Variants in HYDIN observed in about 807,000 individuals in gnomAD.
HYDIN encodes the protein axonemal central pair apparatus protein HYDIN.
HYDIN carries 132 observed loss-of-function variants against 403.9 expected under a neutral mutation model. The observed-to-expected ratio is 0.33, with a 90% CI of 0.28 to 0.38. The LOEUF (loss-of-function observed/expected upper bound fraction) is 0.38. Among genes scored for constraint, HYDIN ranks in the 10% least tolerant of loss-of-function variants. The pLI is 1.00. For synonymous variants in HYDIN, 1,202 were observed against 1,891.7 expected (o/e 0.64, Z 9.46); for missense variants, 2,827 against 5,009.5 (o/e 0.56, Z 13.15).
At chr16:71,057,435 G>A (rs1273367179) in intron 18 of HYDIN, among the ~76,000 whole-genome samples, 1 of 152,132 alleles carries the variant, frequency 6.6e-6, no homozygotes, top group Admixed American at 6.5e-5. Flanking sequence ...AACGTCTCTG[G>A]TGAGCTGTCA....
intron 47 of HYDIN, among the ~76,000 whole-genome samples, chr16:70,915,954 C>T (rs375179467): frequency 6.6e-6 from 1 of 152,232 alleles, no homozygotes; most frequent in Non-Finnish European, 1.5e-5. Flanking sequence ...CCTCACCCAG[C>T]TCCCATGCAA....
intron 83 of HYDIN, among the ~76,000 whole-genome samples, chr16:70,824,775 T>C (rs1310725206): frequency 6.6e-6 from 1 of 152,094 alleles, no homozygotes; most frequent in Non-Finnish European, 1.5e-5. Context: ...TACTTATTTT[T>C]TAAGCTTTGC....
chr16:71,196,097 T>C (rs915725554), intron 1 of HYDIN, among the ~76,000 whole-genome samples: 1 of 152,264 alleles, frequency 6.6e-6, no homozygotes, highest in African/African-American at 2.4e-5. Context: ...CTACAAGTAT[T>C]ATAGTTTCAA....
chr16:71,039,822 G>A (rs963100502), intron 18 of HYDIN, among the ~76,000 whole-genome samples: 7 of 152,138 alleles, frequency 4.6e-5, no homozygotes, highest in East Asian at 1.9e-4. Flanking sequence ...ACCAGAGCTC[G>A]GGATCCCTGA....
intron 41 of HYDIN, among the ~76,000 whole-genome samples, chr16:70,947,463 T>G (rs1479890715): frequency 5.3e-5 from 8 of 151,882 alleles, no homozygotes; most frequent in Middle Eastern, 6.3e-3. Context: ...TGAGGATTTT[T>G]GCATCAATGT....
At chr16:71,038,768 C>A (rs2081185660) in intron 18 of HYDIN, among the ~76,000 whole-genome samples, 1 of 152,200 alleles carries the variant, frequency 6.6e-6, no homozygotes. Flanking sequence ...CCAAGCAATT[C>A]TCCTGCCTCA....
intron 75 of HYDIN, among the ~76,000 whole-genome samples, chr16:70,842,829 A>G (rs2037920460): frequency 6.6e-6 from 1 of 151,686 alleles, no homozygotes; most frequent in Admixed American, 6.6e-5. Context: ...TTATTCTTCT[A>G]TTCCTCCATT....
chr16:71,097,451 A>C, intron 10 of HYDIN, among the ~76,000 whole-genome samples: 1 of 128,256 alleles, frequency 7.8e-6, no homozygotes, highest in African/African-American at 3.4e-5. Context: ...TTGCCTTAAA[A>C]AACAGACTCT....
At chr16:71,053,424 A>G (rs1232176597) in intron 18 of HYDIN, among the ~76,000 whole-genome samples, 6 of 152,260 alleles carry the variant, frequency 3.9e-5, no homozygotes, top group African/African-American at 1.4e-4. Context: ...CCAATTGTCA[A>G]CAAGTAGGCA....
In HYDIN at chr16:70,868,714, C is replaced by T; in HGVS notation, c.11166G>A (p.Lys3722=). 1 of 1,614,112 alleles carries T rather than the reference C, an allele frequency of 6.2e-7. No individual in the cohort carries two copies. Among genetic ancestry groups the T allele is most frequent in the Non-Finnish European group, 8.5e-7 (1 of 1,180,002 alleles). ...TMKSDVPINL[K]NMRIRCKLSR... is the part of the protein sequence containing the mutation. ...AGAGCTTGCACCTGATCCGCATATT[C>T]TTTAGGTTGATGGGTACATCTGACT... The change falls in exon 66 of 86, where the codon AAG becomes AAA. Residue 3722 remains lysine (K), a synonymous_variant. Coordinates refer to ENST00000393567, the MANE Select transcript of HYDIN (RefSeq NM_001270974.2).
intron 39 of HYDIN, among the ~76,000 whole-genome samples, chr16:70,958,270 G>A (rs1324474294): frequency 6.6e-6 from 1 of 151,590 alleles, no homozygotes; most frequent in Non-Finnish European, 1.5e-5. Context: ...TGATCAGTCT[G>A]ATTTTGACAT....
At chr16:70,930,743 C>T (rs1444468151) in intron 45 of HYDIN, among the ~76,000 whole-genome samples, 2 of 152,154 alleles carry the variant, frequency 1.3e-5, no homozygotes, top group Non-Finnish European at 2.9e-5. Context: ...TCACTGACCA[C>T]TGCAGATGCA....
intron 40 of HYDIN, among the ~76,000 whole-genome samples, chr16:70,953,467 G>C (rs1318763468): frequency 1.3e-5 from 2 of 152,024 alleles, no homozygotes; most frequent in African/African-American, 4.8e-5. Flanking sequence ...ACTCCTCCTC[G>C]CTTCTCCCTT....
chr16:70,808,015 T>G lies in HYDIN; in HGVS notation c.14931A>C (p.Pro4977=). 6.2e-7 allele frequency: 1 copy of G among 1,613,810 alleles called. No individual in the cohort carries two copies. Residue 4977 remains proline (P), a synonymous_variant, in exon 86 of 86, where the codon CCA becomes CCC. Transcript: ENST00000393567. ...TGGCTTCAGTGCCTCCCTGGCCTCCTGGGGCTGCATTAATGAGTTTTTCTG... is the reference window on the plus strand; with the variant it reads ...TGGCTTCAGTGCCTCCCTGGCCTCCGGGGGCTGCATTAATGAGTTTTTCTG... The part of the protein sequence containing the change: ...FHAEKLINAA[P]GGQGGTEASV...
intron 52 of HYDIN, among the ~76,000 whole-genome samples, chr16:70,901,463 T>G (rs1168799436): frequency 1.3e-5 from 2 of 151,552 alleles, no homozygotes; most frequent in Admixed American, 6.6e-5. Context: ...CCCCATTTTG[T>G]GCCCACTGGT....
At chr16:71,175,136 C>T (rs1028958242) in intron 5 of HYDIN, among the ~76,000 whole-genome samples, 10 of 151,454 alleles carry the variant, frequency 6.6e-5, no homozygotes, top group Non-Finnish European at 1.5e-5. Context: ...ATCACCACTA[C>T]CACCACCATC....
At chr16:71,130,294 T>C (rs907692068) in intron 8 of HYDIN, among the ~76,000 whole-genome samples, 5 of 152,068 alleles carry the variant, frequency 3.3e-5, no homozygotes, top group African/African-American at 4.8e-5. Flanking sequence ...ATACTAATTC[T>C]GTGATCTGTT....
chr16:71,035,940 T>C (rs1221469643), intron 18 of HYDIN, among the ~76,000 whole-genome samples: 1 of 151,314 alleles, frequency 6.6e-6, no homozygotes, highest in Admixed American at 6.6e-5. Flanking sequence ...TTCTGTTCAC[T>C]TCCACTGGCC....
At chr16:70,835,961 T>A in intron 77 of HYDIN, 127 bp from the exon 78 acceptor site, 1 of 796,680 alleles carries the variant, frequency 1.3e-6, no homozygotes, top group Admixed American at 2.1e-5. Context: ...TCATATTGGG[T>A]GGGCATCTGC....
Sources: gnomAD v4.1 joint callset for allele counts (sites outside exome capture counted in the v4.1 genomes callset) on GRCh38, gnomAD v4.1.1 for gene constraint, MANE v1.5 for transcripts, NCBI Gene and HGNC (gene_info 2026-07-23, HGNC 2026-07-21) for gene names.